The following NXNL2 variants were observed in gnomAD, a reference collection of about 807,000 sequenced individuals.
NXNL2 encodes nucleoredoxin-like protein 2.
A neutral mutation model predicts 11.1 loss-of-function variants in NXNL2; 7 were observed. The ratio of observed to expected loss-of-function variants is 0.63; its 90% CI spans 0.36 to 1.18. The LOEUF (loss-of-function observed/expected upper bound fraction) is 1.18, where lower values mean the gene tolerates loss of function less well. Among genes scored for constraint, NXNL2 ranks in the 50% most tolerant of loss-of-function variants. The pLI is 0.02. For synonymous variants in NXNL2, 109 were observed against 101.8 expected, an observed-to-expected ratio of 1.07 and a Z score of -0.42; for missense variants, 233 against 217.7, an observed-to-expected ratio of 1.07 and a Z score of -0.44.
chr9:88,581,603 T>C (rs1830409425), intron 1 of NXNL2, among the ~76,000 whole-genome samples: 1 of 152,156 alleles, frequency 6.6e-6, no homozygotes, highest in African/African-American at 2.4e-5. Flanking sequence ...TGCGCCTGCA[T>C]GTGCCACCAT....
downstream of NXNL2, among the ~76,000 whole-genome samples, chr9:88,546,143 GTGTT>G (rs1208190147): frequency 7.3e-6 from 1 of 137,242 alleles, no homozygotes; most frequent in Non-Finnish European, 1.5e-5. Flanking sequence ...CATAAACTGA[GTGTT>G]CGTGTGTGTG....
chr9:88,563,471 G>A (rs967173891), intron 1 of NXNL2, among the ~76,000 whole-genome samples: 18 of 152,200 alleles, frequency 1.2e-4, no homozygotes, highest in Non-Finnish European at 1.2e-4. Context: ...ATCTCGAACC[G>A]CCCACTCCCA....
chr9:88,576,364 C>T (rs10120738), downstream of NXNL2, among the ~76,000 whole-genome samples: 32,112 of 152,154 alleles, frequency 0.21, 5,405 homozygotes, highest in East Asian at 0.74. Flanking sequence ...TTCTTTCTCA[C>T]GTTGGGGACT....
At chr9:88,552,456 C>T (rs1829948556) in intron 1 of NXNL2, among the ~76,000 whole-genome samples, 1 of 147,794 alleles carries the variant, frequency 6.8e-6, no homozygotes, top group South Asian at 2.1e-4. Context: ...ATCTAGTTTT[C>T]TGCTTTAAAC....
At chr9:88,567,991 T>C (rs949193282) in intron 1 of NXNL2, among the ~76,000 whole-genome samples, 1 of 152,176 alleles carries the variant, frequency 6.6e-6, no homozygotes, top group African/African-American at 2.4e-5. Context: ...GTACGTGACT[T>C]GCCTCACCCA....
At chr9:88,571,745 G>C (rs1229090108) in intron 2 of NXNL2, among the ~76,000 whole-genome samples, 1 of 152,148 alleles carries the variant, frequency 6.6e-6, no homozygotes, top group Non-Finnish European at 1.5e-5. Context: ...GTCAGGAGGA[G>C]GGGCCCAGTC....
chr9:88,552,155 G>A (rs1005374415), intron 1 of NXNL2, among the ~76,000 whole-genome samples: 5 of 152,044 alleles, frequency 3.3e-5, no homozygotes, highest in African/African-American at 1.2e-4. Flanking sequence ...TTCCAGCTCT[G>A]GCCCAGATCA....
intron 2 of NXNL2, among the ~76,000 whole-genome samples, chr9:88,571,756 C>T (rs924769924): frequency 1.3e-5 from 2 of 152,094 alleles, no homozygotes; most frequent in Admixed American, 1.3e-4. Flanking sequence ...GGGCCCAGTC[C>T]CACCATGAAT....
exon 3 of NXNL2, chr9:88,575,123 G>GTCCT (rs1830330313): frequency 1.0e-6 from 1 of 984,976 alleles, no homozygotes; most frequent in African/African-American, 1.7e-5. Flanking sequence ...AGATATTGAA[G>GTCCT]AGGAGTTGGA....
intron 1 of NXNL2, among the ~76,000 whole-genome samples, chr9:88,582,960 G>C (rs1008164717): frequency 1.8e-4 from 28 of 152,190 alleles, no homozygotes; most frequent in South Asian, 4.1e-4. Context: ...GAGCCACTGA[G>C]CCTGGCCCAA....
At chr9:88,560,728 G>C (rs746941709) in intron 1 of NXNL2, among the ~76,000 whole-genome samples, 2 of 152,034 alleles carry the variant, frequency 1.3e-5, no homozygotes, top group Admixed American at 6.6e-5. Context: ...GGGCAACATA[G>C]TAAGACCCAG....
At chr9:88,543,804 C>T (rs939582147) in intron 1 of NXNL2, among the ~76,000 whole-genome samples, 15 of 152,204 alleles carry the variant, frequency 9.9e-5, no homozygotes, top group African/African-American at 3.4e-4. Flanking sequence ...CTGGTGGCTA[C>T]TGGATTGGGT....
At chr9:88,542,273 CA>C (rs1028099000) in intron 1 of NXNL2, among the ~76,000 whole-genome samples, 17 of 151,604 alleles carry the variant, frequency 1.1e-4, no homozygotes, top group African/African-American at 4.1e-4. Flanking sequence ...AACGAACGAA[CA>C]AAAAAATATA....
chr9:88,567,205 C>A (rs1830188670), intron 1 of NXNL2, among the ~76,000 whole-genome samples: 1 of 152,100 alleles, frequency 6.6e-6, no homozygotes, highest in Non-Finnish European at 1.5e-5. Flanking sequence ...ATGACGTAAC[C>A]TAGGTTCACT....
intron 1 of NXNL2, among the ~76,000 whole-genome samples, chr9:88,562,411 A>T (rs188718990): frequency 5.9e-5 from 9 of 152,222 alleles, no homozygotes; most frequent in Middle Eastern, 3.4e-3. Flanking sequence ...CAGGCCCTTC[A>T]TTTCTGTTAA....
At chr9:88,555,669 C>T (rs1395543010) in intron 1 of NXNL2, among the ~76,000 whole-genome samples, 1 of 152,202 alleles carries the variant, frequency 6.6e-6, no homozygotes, top group Non-Finnish European at 1.5e-5. Context: ...CCTGGCGATT[C>T]TTTCGGTGCC....
intron 2 of NXNL2, among the ~76,000 whole-genome samples, chr9:88,573,705 G>C (rs1468032606): frequency 3.3e-5 from 5 of 152,148 alleles, no homozygotes; most frequent in African/African-American, 9.7e-5. Flanking sequence ...AAAATGTTCT[G>C]GAGATGGGTT....
At chr9:88,572,531 G>A (rs144209111) in intron 2 of NXNL2, among the ~76,000 whole-genome samples, 1 of 152,292 alleles carries the variant, frequency 6.6e-6, no homozygotes, top group East Asian at 1.9e-4. Flanking sequence ...CTTTGGAGAC[G>A]CCCTCAGACT....
intron 1 of NXNL2, among the ~76,000 whole-genome samples, chr9:88,558,874 G>A (rs1830051744): frequency 6.6e-6 from 1 of 152,076 alleles, no homozygotes; most frequent in South Asian, 2.1e-4. Context: ...TAGGGGCTTA[G>A]GTCTCAAGGG....
Sources: allele counts gnomAD v4.1 joint callset (sites outside exome capture counted in the v4.1 genomes callset), GRCh38; gene constraint gnomAD v4.1.1; transcripts MANE v1.5; gene names NCBI Gene and HGNC (gene_info 2026-07-23, HGNC 2026-07-21).